The following PTH2R variants were observed in gnomAD, a reference collection of about 807,000 sequenced individuals.
The protein encoded by PTH2R is PTH2 receptor.
Under a neutral mutation model 60.3 loss-of-function variants are expected in PTH2R, and 59 were observed. That is an observed-to-expected ratio of 0.98 (90% confidence interval 0.79 to 1.22). The LOEUF is 1.22. PTH2R is among the 50% of genes most tolerant of loss of function. PTH2R has a pLI of 0.00. For synonymous variants in PTH2R, 256 were observed against 243.8 expected, an observed-to-expected ratio of 1.05 and a Z score of -0.47; for missense variants, 749 against 682.6, an observed-to-expected ratio of 1.10 and a Z score of -1.08.
intron 7 of PTH2R, 83 bp downstream of exon 7, chr2:208,444,970 C>T (rs1574879271): frequency 1.4e-6 from 2 of 1,379,934 alleles, no homozygotes; most frequent in East Asian, 2.4e-5. Flanking sequence ...AGCATCCCTA[C>T]AGCCATTTTC....
intron 9 of PTH2R, among the ~76,000 whole-genome samples, chr2:208,462,741 G>A (rs1702658779): frequency 6.6e-6 from 1 of 152,232 alleles, no homozygotes; most frequent in South Asian, 2.1e-4. Flanking sequence ...AGGTGGTAGT[G>A]ATTAATGGGG....
chr2:208,387,814 T>C (rs1574828762), intron 1 of PTH2R, among the ~76,000 whole-genome samples: 2 of 152,162 alleles, frequency 1.3e-5, no homozygotes, highest in African/African-American at 4.8e-5. Flanking sequence ...AACAACCCCT[T>C]TTTATACAAA....
intron 9 of PTH2R, among the ~76,000 whole-genome samples, chr2:208,462,977 TG>T (rs1327376758): frequency 6.6e-6 from 1 of 152,210 alleles, no homozygotes; most frequent in Admixed American, 6.5e-5. Context: ...GTTTTTCATT[TG>T]GAAAGATCTC....
chr2:208,491,617 AT>A (rs1703404922), intron 12 of PTH2R, among the ~76,000 whole-genome samples: 1 of 151,844 alleles, frequency 6.6e-6, no homozygotes. Flanking sequence ...GGGAGGGAGA[AT>A]TTTTGTGTTT....
At chr2:208,424,289 G>A (rs1701813735) in intron 1 of PTH2R, among the ~76,000 whole-genome samples, 1 of 152,138 alleles carries the variant, frequency 6.6e-6, no homozygotes, top group Admixed American at 6.6e-5. Context: ...AGTTTGCAGG[G>A]GTCCCTTGTC....
At position 208,489,118 on chromosome 2, in the gene PTH2R, A is replaced by G; in HGVS notation, c.1183A>G (p.Met395Val). The change falls in exon 11 of 13, where the codon ATG becomes GTG. Residue 395 changes from methionine to valine, a missense_variant. By Grantham distance (21) the Met-to-Val change is conservative. Coordinates refer to ENST00000272847, the MANE Select transcript of PTH2R (RefSeq NM_005048.4). Reference sequence around the variant, plus strand: ...CACTGGGCTCGGGTGGGAGATCCGCATGCACTGTGAGCTCTTCTTCAACTC... The same window carrying G: ...CACTGGGCTCGGGTGGGAGATCCGCGTGCACTGTGAGCTCTTCTTCAACTC... ...SFTGLGWEIR[M>V]HCELFFNSFQ... The G allele has an allele frequency of 2.5e-6, 4 of 1,614,090 alleles. No individual in the cohort carries two copies. The highest frequency in any genetic ancestry group is 1.3e-5 in the African/African-American group (1 of 75,008).
intron 1 of PTH2R, among the ~76,000 whole-genome samples, chr2:208,414,590 A>G (rs1701602420): frequency 6.6e-6 from 1 of 151,788 alleles, no homozygotes; most frequent in Non-Finnish European, 1.5e-5. Context: ...AATATCTATT[A>G]GAATAAGTAA....
At chr2:208,419,989 C>A (rs1391559779) in intron 1 of PTH2R, among the ~76,000 whole-genome samples, 1 of 152,104 alleles carries the variant, frequency 6.6e-6, no homozygotes, top group Non-Finnish European at 1.5e-5. Flanking sequence ...TTTGTAGGGA[C>A]ATGGATGAAG....
At chr2:208,430,867 T>C (rs1377292312) in intron 2 of PTH2R, among the ~76,000 whole-genome samples, 2 of 152,118 alleles carry the variant, frequency 1.3e-5, no homozygotes, top group Non-Finnish European at 2.9e-5. Flanking sequence ...GCCCGGCCTC[T>C]GTCTGGCTCT....
At chr2:208,461,363 G>C (rs926877239) in intron 9 of PTH2R, among the ~76,000 whole-genome samples, 7 of 152,038 alleles carry the variant, frequency 4.6e-5, no homozygotes, top group Non-Finnish European at 7.4e-5. Context: ...TAACTGCTCA[G>C]ATTTCCCTTT....
In PTH2R at chr2:208,428,366, A is replaced by T; in HGVS notation, c.178+63A>T. Reference sequence around the variant, plus strand: ...CTATCTGTTCTTATAAAGATTGCACATTTCCCTCCTTCTTTAGTGTTAGGG... The same window carrying T: ...CTATCTGTTCTTATAAAGATTGCACTTTTCCCTCCTTCTTTAGTGTTAGGG... On this transcript the variant is annotated intron_variant, in intron 2 of 12. Coordinates refer to ENST00000272847, the MANE Select transcript of PTH2R (RefSeq NM_005048.4). The T allele has an allele frequency of 6.8e-6, 8 of 1,168,988 alleles. No homozygotes were observed. In the South Asian group the frequency reaches 9.4e-5, roughly 14 times the overall value. 72.4% of individuals were successfully genotyped at this position (1,168,988 alleles called of 1,614,324 possible).
intron 12 of PTH2R, among the ~76,000 whole-genome samples, chr2:208,490,934 CAG>C (rs1703390980): frequency 6.6e-6 from 1 of 152,196 alleles, no homozygotes; most frequent in African/African-American, 2.4e-5. Flanking sequence ...GGAATACAAA[CAG>C]ACACTTGGAT....
intron 1 of PTH2R, among the ~76,000 whole-genome samples, chr2:208,392,557 C>A (rs1363691482): frequency 6.6e-6 from 1 of 152,176 alleles, no homozygotes; most frequent in Admixed American, 6.5e-5. Context: ...TACTGGCTCC[C>A]ATGCGAGCTA....
At chr2:208,461,888 C>T (rs927458063) in intron 9 of PTH2R, among the ~76,000 whole-genome samples, 2 of 152,054 alleles carry the variant, frequency 1.3e-5, no homozygotes, top group Admixed American at 6.5e-5. Context: ...TCGCTGTTGG[C>T]GAAGGAGAAA....
intron 9 of PTH2R, among the ~76,000 whole-genome samples, chr2:208,480,150 T>C (rs1320544835): frequency 6.6e-6 from 1 of 152,202 alleles, no homozygotes; most frequent in African/African-American, 2.4e-5. Context: ...ACAAATCCTC[T>C]GATAACCAAA....
chr2:208,485,796 G>C lies in PTH2R; in HGVS notation c.1077-3216G>C, dbSNP rs183006371. On this transcript the variant is annotated intron_variant, in intron 10 of 12. Coordinates refer to ENST00000272847, the MANE Select transcript of PTH2R (RefSeq NM_005048.4). ...TGAGTGTGGTTAAGACCTATGATGG[G>C]GTAGCCTTTCCATTGGTTAGTTTAC... Among the ~76,000 whole-genome samples the C allele has an allele frequency of 3.0e-4, 46 of 152,118 alleles. 1 individual carries two copies. Among genetic ancestry groups the C allele is most frequent in the African/African-American group, 9.4e-4 (39 of 41,414 alleles).
At chr2:208,389,266 A>T (rs1228469032) in intron 1 of PTH2R, among the ~76,000 whole-genome samples, 1 of 148,844 alleles carries the variant, frequency 6.7e-6, no homozygotes, top group Non-Finnish European at 1.5e-5. Flanking sequence ...ACACACACAC[A>T]CAATCTATTG....
At position 208,437,501 on chromosome 2, in the gene PTH2R, CTTTG is replaced by C. The variant is rs748986979; in HGVS notation, c.179-32_179-29del. 3.9e-6 allele frequency: 6 copies of C among 1,532,378 alleles called. No homozygotes were observed. The East Asian group carries it at 9.1e-5, about 23-fold the overall frequency. 94.9% of individuals were successfully genotyped at this position (1,532,378 alleles called of 1,614,324 possible). A position where few individuals can be genotyped will look rare whatever the true frequency, so the allele number is the denominator to read the frequency against. On this transcript the variant is annotated intron_variant, in intron 2 of 12. Transcript: ENST00000272847. ...GTTCTCTGGTTCTAACTACATTTTT[CTTTG>C]TTTATTTGCTTTAATTTTTTTTTCT...
At position 208,465,434 on chromosome 2, in the gene PTH2R, A is replaced by T. The variant is rs373408760; in HGVS notation, c.981+5473A>T. ...TTTTTTTTTTTTGTGATGGAGTCTCACTCTGTCACCCAGGCTGGAGTGCAG... is the reference window on the plus strand; with the variant it reads ...TTTTTTTTTTTTGTGATGGAGTCTCTCTCTGTCACCCAGGCTGGAGTGCAG... On this transcript the variant is annotated intron_variant, in intron 9 of 12. Coordinates refer to ENST00000272847, the MANE Select transcript of PTH2R (RefSeq NM_005048.4). Among the ~76,000 whole-genome samples, 6 of 101,748 alleles carry T rather than the reference A, an allele frequency of 5.9e-5. No individual in the cohort carries two copies. In the East Asian group the frequency reaches 1.7e-3, roughly 29 times the overall value. 66.8% of individuals were successfully genotyped at this position (101,748 alleles called of 152,430 possible).
Sources: allele counts gnomAD v4.1 joint callset (sites outside exome capture counted in the v4.1 genomes callset), GRCh38; gene constraint gnomAD v4.1.1; transcripts MANE v1.5; gene names NCBI Gene and HGNC (gene_info 2026-07-23, HGNC 2026-07-21).